The following PSMA3 variants were observed in gnomAD, a reference collection of about 807,000 sequenced individuals.
PSMA3 encodes the protein proteasome subunit alpha type-3.
Under a neutral mutation model 40.0 loss-of-function variants are expected in PSMA3, and 8 were observed. That is an observed-to-expected ratio of 0.20 (90% CI 0.12 to 0.36). The LOEUF (loss-of-function observed/expected upper bound fraction) is 0.36, where lower values mean the gene tolerates loss of function less well. PSMA3 is among the 10% of genes least tolerant of loss of function. The pLI, the probability that PSMA3 is intolerant of heterozygous loss-of-function variation, is 1.00. For synonymous variants in PSMA3, 110 were observed against 100.0 expected, an observed-to-expected ratio of 1.10 and a Z score of -0.59; for missense variants, 219 against 310.6, an observed-to-expected ratio of 0.70 and a Z score of 2.22.
intron 3 of PSMA3, among the ~76,000 whole-genome samples, chr14:58,254,684 C>T (rs1001378758): frequency 6.6e-6 from 1 of 151,894 alleles, no homozygotes; most frequent in Admixed American, 6.6e-5. Flanking sequence ...TTAATATCCT[C>T]CCTCCTTCCA....
At chr14:58,263,680 A>T in intron 6 of PSMA3, 25 bp from the exon 7 acceptor site, 1 of 1,575,406 alleles carries the variant, frequency 6.3e-7, no homozygotes, top group Non-Finnish European at 8.7e-7. Flanking sequence ...TAATTCAGTG[A>T]TTATATATAT....
intron 10 of PSMA3, among the ~76,000 whole-genome samples, chr14:58,271,616 T>C (rs1018761911): frequency 2.0e-5 from 3 of 152,176 alleles, no homozygotes; most frequent in Non-Finnish European, 4.4e-5. Context: ...ATTACAGGCA[T>C]GAACACTGCA....
At chr14:58,270,855 G>A (rs1230933935) in intron 9 of PSMA3, 79 bp from the exon 10 acceptor site, 4 of 1,200,118 alleles carry the variant, frequency 3.3e-6, no homozygotes, top group Non-Finnish European at 4.7e-6. Flanking sequence ...ATGTGGATTG[G>A]GTAGATCCTA....
chr14:58,256,397 AAG>A (rs1890145187), intron 3 of PSMA3, among the ~76,000 whole-genome samples: 1 of 151,728 alleles, frequency 6.6e-6, no homozygotes, highest in African/African-American at 2.4e-5. Flanking sequence ...AAAATCCAAA[AAG>A]CTCTACTGAG....
chr14:58,260,141 A>T (rs551636893), intron 5 of PSMA3, among the ~76,000 whole-genome samples: 1 of 152,118 alleles, frequency 6.6e-6, no homozygotes, highest in South Asian at 2.1e-4. Context: ...TTTGTGGGGG[A>T]TTGGTTTTAG....
chr14:58,247,675 C>A, intron 1 of PSMA3, 75 bp from the exon 2 acceptor site: 2 of 967,456 alleles, frequency 2.1e-6, no homozygotes, highest in Non-Finnish European at 1.6e-6. Flanking sequence ...GATGTTTCAG[C>A]CATTTAGAGG....
intron 2 of PSMA3, among the ~76,000 whole-genome samples, chr14:58,248,184 G>T (rs2140078105): frequency 6.6e-6 from 1 of 152,208 alleles, no homozygotes; most frequent in South Asian, 2.1e-4. Context: ...TGTTTTAAAT[G>T]TCTTATGCAA....
In PSMA3 at chr14:58,257,864, TGAG is replaced by T. The variant is rs1890183305; in HGVS notation, c.330+21_330+23del. ...CACTAAAAGTAAGTTGATAACATAT[TGAG>T]GAACCTTTTGGACAGTAATAGAAGT... On this transcript the variant is annotated intron_variant, in intron 4 of 10. Transcript: ENST00000216455. The T allele has an allele frequency of 6.2e-7, 1 of 1,612,048 alleles. No individual in the cohort carries two copies.
intron 8 of PSMA3, chr14:58,269,550 A>G (rs1450159908): frequency 6.6e-6 from 1 of 151,398 alleles, no homozygotes; most frequent in Non-Finnish European, 1.5e-5. Context: ...CTCCTGCCTC[A>G]GTTTCCCGAG....
intron 2 of PSMA3, among the ~76,000 whole-genome samples, chr14:58,248,821 G>A (rs1889936153): frequency 2.6e-5 from 4 of 151,908 alleles, no homozygotes; most frequent in South Asian, 4.2e-4. Flanking sequence ...AAAATTAGCC[G>A]GGTGTGATGG....
chr14:58,271,448 G>A (rs1332735595), intron 10 of PSMA3, among the ~76,000 whole-genome samples: 4 of 146,016 alleles, frequency 2.7e-5, no homozygotes, highest in African/African-American at 7.6e-5. Flanking sequence ...TCCTGCCTCC[G>A]CCTCCCAAGT....
chr14:58,250,776 AAC>A (rs900694704), intron 2 of PSMA3, among the ~76,000 whole-genome samples: 3 of 152,238 alleles, frequency 2.0e-5, no homozygotes, highest in Admixed American at 2.0e-4. Flanking sequence ...GGCAAAATGA[AAC>A]ACAGCTAGGA....
At chr14:58,271,123 C>A (rs1163085579) in intron 10 of PSMA3, 125 bp downstream of exon 10, 9 of 515,162 alleles carry the variant, frequency 1.7e-5, no homozygotes, top group Non-Finnish European at 2.3e-5. Context: ...AAAAAAAATT[C>A]TCTAACCAAA....
At chr14:58,265,028 A>G (rs551495043) in intron 7 of PSMA3, 1 of 152,248 alleles carries the variant, frequency 6.6e-6, no homozygotes, top group Non-Finnish European at 1.5e-5. Context: ...TGGTAGGCCA[A>G]GTTGGGAGGA....
Position 58,260,934 on chromosome 14 carries a change from A to G in PSMA3, c.405-14A>G, listed in dbSNP as rs766712563. 8.2e-6 allele frequency: 13 copies of G among 1,590,214 alleles called. No homozygotes were observed. Among genetic ancestry groups the G allele is most frequent in the African/African-American group, 2.7e-5 (2 of 74,246 alleles). ...TATTGCCATGGTTTAAGCTGTTTGT[A>G]TACTTTCATGCAGTTTCATGTTAGG... On this transcript the variant is annotated splice_polypyrimidine_tract_variant and intron_variant, in intron 5 of 10. Transcript: ENST00000216455.
chr14:58,267,430 G>A, intron 7 of PSMA3, 44 bp from the exon 8 acceptor site: 1 of 1,440,352 alleles, frequency 6.9e-7, no homozygotes, highest in Non-Finnish European at 9.1e-7. Flanking sequence ...TACACAAGTG[G>A]AAAATGTTCT....
At chr14:58,254,342 A>ATGTATGTT (rs1432115890) in intron 3 of PSMA3, among the ~76,000 whole-genome samples, 1 of 124,026 alleles carries the variant, frequency 8.1e-6, no homozygotes, top group Non-Finnish European at 1.7e-5. Context: ...GCATATATAT[A>ATGTATGTT]TGTATGTACA....
chr14:58,252,321 A>C (rs941520482), intron 3 of PSMA3, 79 bp downstream of exon 3: 42 of 1,497,108 alleles, frequency 2.8e-5, no homozygotes, highest in Non-Finnish European at 3.6e-5. Flanking sequence ...ATCACTGTGC[A>C]GTCACAAAAG....
At chr14:58,257,465 T>C (rs910515627) in intron 3 of PSMA3, among the ~76,000 whole-genome samples, 1 of 151,098 alleles carries the variant, frequency 6.6e-6, no homozygotes, top group African/African-American at 2.4e-5. Flanking sequence ...GCCACTGTAC[T>C]CCAGCCCTGG....
Sources: gnomAD v4.1 joint callset for allele counts (sites outside exome capture counted in the v4.1 genomes callset) on GRCh38, gnomAD v4.1.1 for gene constraint, MANE v1.5 for transcripts, NCBI Gene and HGNC (gene_info 2026-07-23, HGNC 2026-07-21) for gene names.